The following TRPM6 variants were observed in gnomAD, a reference collection of about 807,000 sequenced individuals.
TRPM6 encodes channel kinase 2.
A neutral mutation model predicts 247.6 loss-of-function variants in TRPM6; 111 were observed. That is an observed-to-expected ratio of 0.45 (90% CI 0.38 to 0.52). The LOEUF (loss-of-function observed/expected upper bound fraction) is 0.52, where lower values mean the gene tolerates loss of function less well. Among genes scored for constraint, TRPM6 ranks in the 20% least tolerant of loss-of-function variants. TRPM6 has a pLI of 0.00. For missense variants in TRPM6, 2,126 were observed against 2,421.5 expected, an observed-to-expected ratio of 0.88 and a Z score of 2.56; for synonymous variants, 892 against 853.8, an observed-to-expected ratio of 1.04 and a Z score of -0.78.
At position 74,762,102 on chromosome 9, in the gene TRPM6, T is replaced by C; in HGVS notation, c.4569A>G (p.Thr1523=). 6.2e-7 allele frequency: 1 copy of C among 1,614,160 alleles called. No homozygotes were observed. The highest frequency in any genetic ancestry group is 8.5e-7 in the Non-Finnish European group (1 of 1,180,028). Residue 1523 remains threonine, a synonymous_variant, in exon 26 of 39, where the codon ACA becomes ACG. Coordinates refer to ENST00000360774, the MANE Select transcript of TRPM6 (RefSeq NM_017662.5). Reference sequence around the variant, plus strand: ...TGCGGAGAGGATTGATCCAAAAGGATGTGTTTGGCTGAAGCCATGGTCCCA... The same window carrying C: ...TGCGGAGAGGATTGATCCAAAAGGACGTGTTTGGCTGAAGCCATGGTCCCA... ...SEVGPWLQPN[T]SFWINPLRRY...
chr9:74,787,504 G>T (rs1340132383), intron 20 of TRPM6, among the ~76,000 whole-genome samples: 1 of 151,924 alleles, frequency 6.6e-6, no homozygotes, highest in Non-Finnish European at 1.5e-5. Flanking sequence ...TTTCTCTCCT[G>T]ATTTTCTATA....
intron 19 of TRPM6, among the ~76,000 whole-genome samples, chr9:74,791,787 G>A (rs1342311205): frequency 2.6e-5 from 4 of 152,014 alleles, no homozygotes; most frequent in Admixed American, 6.6e-5. Context: ...ATGGGGTCTC[G>A]CTCTGTTGCC....
At chr9:74,867,255 G>T (rs1486814494) in intron 1 of TRPM6, among the ~76,000 whole-genome samples, 1 of 152,144 alleles carries the variant, frequency 6.6e-6, no homozygotes, top group Middle Eastern at 3.2e-3. Context: ...GAGAAAATAT[G>T]TCAAAAGGGC....
intron 30 of TRPM6, 150 bp from the exon 31 acceptor site, chr9:74,748,064 G>A (rs1018704811): frequency 6.6e-6 from 5 of 759,050 alleles, no homozygotes; most frequent in African/African-American, 1.8e-5. Context: ...ACTGCCTAAT[G>A]ATGTTTTGGT....
intron 30 of TRPM6, among the ~76,000 whole-genome samples, chr9:74,749,533 C>A (rs1246846392): frequency 6.6e-6 from 1 of 152,172 alleles, no homozygotes; most frequent in Non-Finnish European, 1.5e-5. Context: ...CTGTGAATGT[C>A]TCTGGACAAG....
Position 74,858,723 on chromosome 9 carries a change from A to G in TRPM6, c.59T>C (p.Val20Ala), listed in dbSNP as rs1460135913. 6.2e-7 allele frequency: 1 copy of G among 1,613,454 alleles called. No individual in the cohort carries two copies. The highest frequency in any genetic ancestry group is 2.2e-5 in the East Asian group (1 of 44,782). ...TGTGCTACATTCTCTCTTGTCAAATACTCCTTTAATCCAGGATTTCTGGGA... is the reference window on the plus strand; with the variant it reads ...TGTGCTACATTCTCTCTTGTCAAATGCTCCTTTAATCCAGGATTTCTGGGA... ...LQSQKSWIKG[V>A]FDKRECSTII... is the part of the protein sequence containing the mutation. The change falls in exon 2 of 39, where the codon GTA becomes GCA. Residue 20 changes from valine (V) to alanine (A), a missense_variant. Physicochemically the swap from Val to Ala is moderately conservative, Grantham distance 64. Around this residue, in one of 3 missense-constraint regions of TRPM6, gnomAD observed 1,082 missense variants for 1,307.9 expected, o/e 0.83. Transcript: ENST00000360774.
At chr9:74,862,774 G>T (rs1161942103) in intron 1 of TRPM6, among the ~76,000 whole-genome samples, 1 of 152,096 alleles carries the variant, frequency 6.6e-6, no homozygotes, top group Non-Finnish European at 1.5e-5. Flanking sequence ...TTGAGGTCAG[G>T]AGTTCGAGAC....
intron 21 of TRPM6, among the ~76,000 whole-genome samples, chr9:74,785,629 T>C (rs984169148): frequency 6.6e-6 from 1 of 152,136 alleles, no homozygotes; most frequent in Non-Finnish European, 1.5e-5. Context: ...TTCGTGCTAT[T>C]CTCCCGCCTC....
chr9:74,723,772 GGGTA>G lies in TRPM6; in HGVS notation c.*837_*840del, dbSNP rs1825215745. 1 of 146,084 alleles carries G rather than the reference GGGTA, an allele frequency of 6.8e-6. No homozygotes were observed. 9.0% of individuals were successfully genotyped at this position (146,084 alleles called of 1,614,324 possible). The stretch of plus-strand genomic sequence containing the variant: ...AGATCGCATCATTGCACTCCAGCCT[GGGTA>G]AAAAGAGTGAAACTCCATCTCAAAA... On this transcript the variant is annotated 3_prime_UTR_variant, in exon 39 of 39. Coordinates refer to ENST00000360774, the MANE Select transcript of TRPM6 (RefSeq NM_017662.5).
chr9:74,788,010 T>C (rs977603536), intron 20 of TRPM6, among the ~76,000 whole-genome samples: 1 of 151,958 alleles, frequency 6.6e-6, no homozygotes, highest in African/African-American at 2.4e-5. Context: ...CCACCACGCC[T>C]GGCCCCCTCC....
chr9:74,770,329 T>C (rs1240374783), intron 25 of TRPM6, among the ~76,000 whole-genome samples: 1 of 152,198 alleles, frequency 6.6e-6, no homozygotes, highest in Non-Finnish European at 1.5e-5. Flanking sequence ...GTCAGTTCCA[T>C]ATATGTTCAA....
In TRPM6 at chr9:74,724,301, A is replaced by G; in HGVS notation, c.*312T>C. 1 of 431,860 alleles carries G rather than the reference A, an allele frequency of 2.3e-6. No individual in the cohort carries two copies. Among genetic ancestry groups the G allele is most frequent in the Non-Finnish European group, 4.3e-6 (1 of 233,090 alleles). The allele number at this position is 431,860 out of a possible 1,614,324, so 26.8% of individuals were successfully genotyped here. On this transcript the variant is annotated 3_prime_UTR_variant, in exon 39 of 39. Coordinates refer to ENST00000360774, the MANE Select transcript of TRPM6 (RefSeq NM_017662.5). The stretch of plus-strand genomic sequence containing the variant: ...CCAACCCCATCCTTTAATGTGCAGG[A>G]TTCTGCTCCAAAGTTCCAAGTGACC...
chr9:74,776,151 C>T (rs778644268), intron 23 of TRPM6, 75 bp from the exon 24 acceptor site: 3 of 1,320,500 alleles, frequency 2.3e-6, no homozygotes, highest in Non-Finnish European at 3.3e-6. Flanking sequence ...TATTTTCCAA[C>T]ATTTATGATT....
intron 18 of TRPM6, among the ~76,000 whole-genome samples, chr9:74,795,288 C>T (rs1369472774): frequency 6.6e-6 from 1 of 152,180 alleles, no homozygotes; most frequent in African/African-American, 2.4e-5. Flanking sequence ...AGAATAATTT[C>T]TCTAATAGTC....
At chr9:74,750,318 AGACT>A (rs1410253553) in intron 30 of TRPM6, among the ~76,000 whole-genome samples, 1 of 152,248 alleles carries the variant, frequency 6.6e-6, no homozygotes, top group African/African-American at 2.4e-5. Context: ...TAAGCAAGAC[AGACT>A]GATTTCTACT....
At chr9:74,886,098 C>T (rs1408315940) in intron 1 of TRPM6, among the ~76,000 whole-genome samples, 7 of 152,104 alleles carry the variant, frequency 4.6e-5, no homozygotes, top group African/African-American at 9.7e-5. Context: ...ACATATTGCA[C>T]GATTCTTTCC....
chr9:74,733,450 T>G (rs904749437), intron 36 of TRPM6, among the ~76,000 whole-genome samples: 1 of 152,210 alleles, frequency 6.6e-6, no homozygotes, highest in East Asian at 1.9e-4. Context: ...CAGTTACTGA[T>G]AGTGGCATCT....
At position 74,768,524 on chromosome 9, in the gene TRPM6, C is replaced by T. The variant is rs115838410; in HGVS notation, c.3536+3179G>A. Among the ~76,000 whole-genome samples the T allele has an allele frequency of 3.9e-3, 600 of 152,338 alleles. 5 individuals carry two copies. The highest frequency in any genetic ancestry group is 0.013 in the African/African-American group (553 of 41,578). On this transcript the variant is annotated intron_variant, in intron 25 of 38. Transcript: ENST00000360774. ...CAAGAAATCTACAACTTATTGCTTT[C>T]TCTCACACCTCCTGTGCCTTCTTTA...
chr9:74,828,469 A>G (rs1286103259), intron 6 of TRPM6, among the ~76,000 whole-genome samples: 6 of 152,168 alleles, frequency 3.9e-5, no homozygotes, highest in Admixed American at 3.9e-4. Context: ...CCCACTATGA[A>G]TAACTAGTAG....
Sources: gnomAD v4.1 joint callset for allele counts (sites outside exome capture counted in the v4.1 genomes callset) on GRCh38, gnomAD v4.1.1 for gene constraint, gnomAD v4.1.1 regional missense constraint, MANE v1.5 for transcripts, NCBI Gene and HGNC (gene_info 2026-07-23, HGNC 2026-07-21) for gene names.